The following RAB27B variants were observed in gnomAD, a reference collection of about 807,000 sequenced individuals.
The protein encoded by RAB27B is ras-related protein Rab-27B.
RAB27B carries 15 observed loss-of-function variants against 24.6 expected under a neutral mutation model. The observed-to-expected ratio is 0.61, with a 90% confidence interval of 0.41 to 0.94. The LOEUF is 0.94. Among genes scored for constraint, RAB27B ranks in the 40% least tolerant of loss-of-function variants. The pLI is 0.00. For synonymous variants in RAB27B, 105 were observed against 92.5 expected, an observed-to-expected ratio of 1.14 and a Z score of -0.78; for missense variants, 261 against 266.8, an observed-to-expected ratio of 0.98 and a Z score of 0.15.
At chr18:54,850,134 A>G (rs1166826518) in intron 1 of RAB27B, among the ~76,000 whole-genome samples, 1 of 151,778 alleles carries the variant, frequency 6.6e-6, no homozygotes, top group Non-Finnish European at 1.5e-5. Context: ...AAAATAAACA[A>G]ACTGGGCTCT....
intron 1 of RAB27B, among the ~76,000 whole-genome samples, chr18:54,860,356 C>T (rs962933430): frequency 1.3e-5 from 2 of 152,268 alleles, no homozygotes; most frequent in African/African-American, 2.4e-5. Flanking sequence ...TCATCTGCCA[C>T]GGCCCCCTAA....
chr18:54,846,098 C>A (rs189807150), intron 1 of RAB27B, among the ~76,000 whole-genome samples: 4 of 152,198 alleles, frequency 2.6e-5, no homozygotes, highest in African/African-American at 7.2e-5. Context: ...TTTAAAATGT[C>A]CCCCATGGTC....
intron 1 of RAB27B, among the ~76,000 whole-genome samples, chr18:54,844,791 C>G (rs1174484204): frequency 6.6e-6 from 1 of 152,170 alleles, no homozygotes; most frequent in Non-Finnish European, 1.5e-5. Flanking sequence ...ATGAGCTGAT[C>G]TGCTTCTTTT....
intron 2 of RAB27B, among the ~76,000 whole-genome samples, chr18:54,774,624 G>T (rs1037123478): frequency 4.6e-5 from 7 of 152,188 alleles, no homozygotes; most frequent in African/African-American, 1.7e-4. Flanking sequence ...TAGAGAGATA[G>T]CTAAGTCTTT....
upstream of RAB27B, among the ~76,000 whole-genome samples, chr18:54,826,881 G>A (rs1568082783): frequency 6.6e-6 from 1 of 152,292 alleles, no homozygotes; most frequent in East Asian, 1.9e-4. Flanking sequence ...AAAGCCAAAT[G>A]AGATGAAACT....
chr18:54,807,763 T>C (rs1458223945), intron 2 of RAB27B, among the ~76,000 whole-genome samples: 2 of 152,178 alleles, frequency 1.3e-5, no homozygotes, highest in Non-Finnish European at 2.9e-5. Flanking sequence ...CATGTGTAGG[T>C]AAATTCTGAA....
chr18:54,763,633 A>G (rs2145055403), intron 2 of RAB27B, among the ~76,000 whole-genome samples: 1 of 152,316 alleles, frequency 6.6e-6, no homozygotes, highest in African/African-American at 2.4e-5. Context: ...TGTGAAGTGG[A>G]TTCCTCTAGT....
intron 2 of RAB27B, among the ~76,000 whole-genome samples, chr18:54,733,830 A>C (rs1205630347): frequency 3.9e-5 from 6 of 152,082 alleles, no homozygotes; most frequent in Non-Finnish European, 8.8e-5. Context: ...CCAAGTGTAG[A>C]TTTGGTTGCT....
intron 2 of RAB27B, among the ~76,000 whole-genome samples, chr18:54,772,700 A>T (rs535212735): frequency 6.6e-6 from 1 of 152,348 alleles, no homozygotes; most frequent in South Asian, 2.1e-4. Context: ...TGTTATATTT[A>T]ATATTGAATC....
Position 54,812,550 on chromosome 18 carries a change from AACACACACAC to A in RAB27B, c.-19-64982_-19-64973del, listed in dbSNP as rs10595171. The stretch of plus-strand genomic sequence containing the variant: ...AGAAGTCTGACCATGGAACTCCTTT[AACACACACAC>A]ACACACACACACACACACACACACA... On this transcript the variant is annotated intron_variant, in intron 2 of 4. Transcript: ENST00000586570. Among the ~76,000 whole-genome samples, 543 of 139,152 alleles carry A rather than the reference AACACACACAC, an allele frequency of 3.9e-3. 1 individual carries two copies. The highest frequency in any genetic ancestry group is 9.2e-3 in the East Asian group (43 of 4,678). 91.3% of individuals were successfully genotyped at this position (139,152 alleles called of 152,430 possible). A position where few individuals can be genotyped will look rare whatever the true frequency, so the allele number is the denominator to read the frequency against.
intron 3 of RAB27B, among the ~76,000 whole-genome samples, chr18:54,883,445 G>A: frequency 6.6e-6 from 1 of 152,148 alleles, no homozygotes; most frequent in East Asian, 1.9e-4. Context: ...CTAGTTCAAA[G>A]TTATGTGCCT....
intron 1 of RAB27B, among the ~76,000 whole-genome samples, chr18:54,831,142 T>G (rs1359134113): frequency 6.6e-6 from 1 of 152,110 alleles, no homozygotes; most frequent in Non-Finnish European, 1.5e-5. Flanking sequence ...CGAGGAGGCA[T>G]GCAGAAAGTG....
chr18:54,877,534 T>TAA, intron 1 of RAB27B, 33 bp from the exon 2 acceptor site: 1 of 1,325,460 alleles, frequency 7.5e-7, no homozygotes, highest in Admixed American at 3.0e-5. Flanking sequence ...TCAACTTTAA[T>TAA]CAAAACATAC....
intron 1 of RAB27B, among the ~76,000 whole-genome samples, chr18:54,856,526 C>A (rs535019960): frequency 1.3e-5 from 2 of 152,224 alleles, no homozygotes; most frequent in Admixed American, 6.5e-5. Flanking sequence ...ATGGATGGGG[C>A]AAAACTGGGA....
In RAB27B at chr18:54,727,543, T is replaced by C. The variant is rs115395971; in HGVS notation, c.-20+9402T>C. On this transcript the variant is annotated intron_variant, in intron 2 of 4. Transcript: ENST00000586570. ...GGTAGTGGGGTGCCTCGGAGGCAGA[T>C]AGCAAAAGTGTATGCATTAAAACAA... Among the ~76,000 whole-genome samples, 781 of 152,308 alleles carry C rather than the reference T, an allele frequency of 5.1e-3. 8 individuals carry two copies. Among genetic ancestry groups the C allele is most frequent in the African/African-American group, 0.016 (676 of 41,564 alleles).
intron 2 of RAB27B, among the ~76,000 whole-genome samples, chr18:54,729,408 G>A (rs1286777129): frequency 6.6e-6 from 1 of 152,156 alleles, no homozygotes; most frequent in Non-Finnish European, 1.5e-5. Flanking sequence ...CCCCAAGAAG[G>A]ATATCTAGAA....
intron 1 of RAB27B, among the ~76,000 whole-genome samples, chr18:54,857,256 A>C (rs376234206): frequency 6.6e-6 from 1 of 152,280 alleles, no homozygotes; most frequent in East Asian, 1.9e-4. Context: ...TGTCTTACCT[A>C]CCCACTCACA....
At chr18:54,765,261 G>C in intron 2 of RAB27B, among the ~76,000 whole-genome samples, 1 of 152,150 alleles carries the variant, frequency 6.6e-6, no homozygotes, top group Non-Finnish European at 1.5e-5. Flanking sequence ...CAAAATGCTA[G>C]GATTGCAGGT....
At chr18:54,776,276 C>A (rs61193212) in intron 2 of RAB27B, among the ~76,000 whole-genome samples, 1 of 152,216 alleles carries the variant, frequency 6.6e-6, no homozygotes, top group Non-Finnish European at 1.5e-5. Flanking sequence ...TCTATTCCAC[C>A]CCAACTACCA....
Sources: gnomAD v4.1 joint callset for allele counts (sites outside exome capture counted in the v4.1 genomes callset) on GRCh38, gnomAD v4.1.1 for gene constraint, MANE v1.5 for transcripts, NCBI Gene and HGNC (gene_info 2026-07-23, HGNC 2026-07-21) for gene names.